The following DIP2C variants were observed in gnomAD, a reference collection of about 807,000 sequenced individuals.
The protein encoded by DIP2C is DIP2 acetate--CoA ligase C (putative), also known as disco-interacting protein 2 homolog C.
A neutral mutation model predicts 192.4 loss-of-function variants in DIP2C; 33 were observed. The ratio of observed to expected loss-of-function variants is 0.17; its 90% CI spans 0.13 to 0.23. The LOEUF is 0.23. Among genes scored for constraint, DIP2C ranks in the 10% least tolerant of loss-of-function variants. DIP2C has a pLI of 1.00. For missense variants in DIP2C, 1,537 were observed against 2,110.1 expected, an observed-to-expected ratio of 0.73 and a Z score of 5.32; for synonymous variants, 979 against 864.1, an observed-to-expected ratio of 1.13 and a Z score of -2.33.
chr10:687,445 G>C (rs1362652017), intron 1 of DIP2C, among the ~76,000 whole-genome samples: 2 of 152,168 alleles, frequency 1.3e-5, no homozygotes, highest in African/African-American at 4.8e-5. Context: ...AGGCTGAATA[G>C]AGCCACGGAG....
chr10:651,340 C>T lies in DIP2C; in HGVS notation c.85+38154G>A. 1.4e-6 allele frequency: 1 copy of T among 703,356 alleles called. No homozygotes were observed. The highest frequency in any genetic ancestry group is 2.6e-6 in the Non-Finnish European group (1 of 384,908). 43.6% of individuals were successfully genotyped at this position (703,356 alleles called of 1,614,324 possible). A position where few individuals can be genotyped will look rare whatever the true frequency, so the allele number is the denominator to read the frequency against. ...ACACGATCCCATCAGGAACCACCTA[C>T]TTTTGCATCCCCAGCACTGTGCTCA... On this transcript the variant is annotated intron_variant, in intron 1 of 36. Coordinates refer to ENST00000280886, the MANE Select transcript of DIP2C (RefSeq NM_014974.3). This position sits in a 1 kb window ranked among gnomAD's most constrained non-coding sequence, Gnocchi z 4.1.
chr10:376,629 T>C (rs745429146), intron 17 of DIP2C, among the ~76,000 whole-genome samples: 1 of 151,912 alleles, frequency 6.6e-6, no homozygotes, highest in Non-Finnish European at 1.5e-5. Flanking sequence ...AGGTTTCTCT[T>C]TTAGATGGAC....
chr10:573,611 G>A (rs1463382397), intron 1 of DIP2C, among the ~76,000 whole-genome samples: 1 of 152,072 alleles, frequency 6.6e-6, no homozygotes, highest in Non-Finnish European at 1.5e-5. Flanking sequence ...GGTTTCACCA[G>A]GTTGCCCAGG....
intron 1 of DIP2C, among the ~76,000 whole-genome samples, chr10:625,478 G>A (rs996050199): frequency 2.6e-5 from 4 of 152,128 alleles, no homozygotes; most frequent in Admixed American, 2.0e-4. Context: ...CGAAGAGGCC[G>A]GGCTCTGCCT....
intron 32 of DIP2C, among the ~76,000 whole-genome samples, chr10:297,954 G>A (rs1955839074): frequency 6.6e-6 from 1 of 152,146 alleles, no homozygotes; most frequent in Admixed American, 6.5e-5. Flanking sequence ...CTTTTTAGGA[G>A]TTTCAGATTT....
At chr10:551,791 C>T (rs61831033) in intron 1 of DIP2C, among the ~76,000 whole-genome samples, 1 of 152,188 alleles carries the variant, frequency 6.6e-6, no homozygotes, top group Admixed American at 6.5e-5. Context: ...CCAGGCTCCT[C>T]AGAGCCAGGC....
At chr10:488,213 T>A (rs1844161556) in intron 1 of DIP2C, among the ~76,000 whole-genome samples, 1 of 152,022 alleles carries the variant, frequency 6.6e-6, no homozygotes, top group East Asian at 1.9e-4. Context: ...TGCCCCGCAT[T>A]TTCCCCCAAA....
chr10:638,515 C>T (rs1854958955), intron 1 of DIP2C, among the ~76,000 whole-genome samples: 1 of 152,104 alleles, frequency 6.6e-6, no homozygotes, highest in Admixed American at 6.5e-5. Context: ...GGCAATTTCA[C>T]CTAAATATTT....
intron 10 of DIP2C, 50 bp downstream of exon 10, chr10:399,059 T>C: frequency 1.3e-6 from 2 of 1,507,198 alleles, no homozygotes; most frequent in Non-Finnish European, 1.8e-6. Flanking sequence ...ACAGCCACCG[T>C]GAAAGCCATC....
rs566613079 is a variant in DIP2C, at chr10:599,670, CT to C, written c.85+89823del. Among the ~76,000 whole-genome samples the C allele has an allele frequency of 2.3e-3, 356 of 152,316 alleles. 3 individuals carry two copies. Among genetic ancestry groups the C allele is most frequent in the African/African-American group, 7.5e-3 (311 of 41,568 alleles). Reference sequence around the variant, plus strand: ...GCACCCTCAGTGGACAGAGGACCCCCTGGGGCCACAGAGCCCAGAGCTCCAG... The same window carrying C: ...GCACCCTCAGTGGACAGAGGACCCCCGGGGCCACAGAGCCCAGAGCTCCAG... On this transcript the variant is annotated intron_variant, in intron 1 of 36. Transcript: ENST00000280886.
At chr10:355,068 G>GA (rs1183764981) in intron 24 of DIP2C, among the ~76,000 whole-genome samples, 1 of 152,082 alleles carries the variant, frequency 6.6e-6, no homozygotes, top group African/African-American at 2.4e-5. Flanking sequence ...CAGATACAGG[G>GA]ACCCACAGCA....
chr10:490,547 C>CCCT (rs1844358093), intron 1 of DIP2C, among the ~76,000 whole-genome samples: 1 of 152,196 alleles, frequency 6.6e-6, no homozygotes, highest in Non-Finnish European at 1.5e-5. Flanking sequence ...CTAAGGCACA[C>CCCT]CCTCAAGGCT....
intron 2 of DIP2C, among the ~76,000 whole-genome samples, chr10:483,515 C>CCA (rs1178516535): frequency 1.3e-5 from 2 of 152,242 alleles, no homozygotes; most frequent in Non-Finnish European, 2.9e-5. Flanking sequence ...CGGAGTCCCC[C>CCA]CATCCTGAGT....
At chr10:392,044 C>A (rs1255673439) in intron 10 of DIP2C, among the ~76,000 whole-genome samples, 1 of 152,200 alleles carries the variant, frequency 6.6e-6, no homozygotes. Context: ...GATCTGGCCG[C>A]CGGGAGCTCT....
At chr10:598,958 T>G (rs1322119035) in intron 1 of DIP2C, among the ~76,000 whole-genome samples, 2 of 152,250 alleles carry the variant, frequency 1.3e-5, no homozygotes, top group East Asian at 3.8e-4. Context: ...AACAACGACT[T>G]TCTGCATCGA....
At chr10:298,377 A>G (rs1423462702) in intron 32 of DIP2C, among the ~76,000 whole-genome samples, 1 of 152,202 alleles carries the variant, frequency 6.6e-6, no homozygotes, top group East Asian at 1.9e-4. Flanking sequence ...CCATGGCGTC[A>G]TATCAAAGCC....
chr10:534,003 A>T (rs1246829571), intron 1 of DIP2C, among the ~76,000 whole-genome samples: 1 of 33,130 alleles, frequency 3.0e-5, no homozygotes, highest in East Asian at 4.8e-4. Flanking sequence ...ACATGCTTTA[A>T]AAAAAAAAAA....
At chr10:299,981 G>A (rs1184100269) in intron 32 of DIP2C, among the ~76,000 whole-genome samples, 2 of 152,158 alleles carry the variant, frequency 1.3e-5, no homozygotes. Flanking sequence ...ACACCCATTA[G>A]GATAACTACT....
At chr10:390,223 G>A (rs1474111962) in intron 12 of DIP2C, 41 bp downstream of exon 12, 1 of 1,601,680 alleles carries the variant, frequency 6.2e-7, no homozygotes, top group Non-Finnish European at 8.6e-7. Flanking sequence ...TAGTGCCAAG[G>A]CCACACTCAG....
Sources: gnomAD v4.1 joint callset for allele counts (sites outside exome capture counted in the v4.1 genomes callset) on GRCh38, gnomAD v4.1.1 for gene constraint, Gnocchi (gnomAD v3.1) non-coding constraint, MANE v1.5 for transcripts, NCBI Gene and HGNC (gene_info 2026-07-23, HGNC 2026-07-21) for gene names.